ARID1B: variants seen among roughly 807,000 people sequenced by gnomAD.
The protein encoded by ARID1B is AT-rich interactive domain-containing protein 1B.
A neutral mutation model predicts 212.3 loss-of-function variants in ARID1B; 30 were observed. The observed-to-expected ratio is 0.14, with a 90% CI of 0.11 to 0.19. The LOEUF is 0.19. Among genes scored for constraint, ARID1B ranks in the 10% least tolerant of loss-of-function variants. The pLI, the probability that ARID1B is intolerant of heterozygous loss-of-function variation, is 1.00. For missense variants in ARID1B, 2,891 were observed against 3,204.0 expected (o/e 0.90, Z 2.36); for synonymous variants, 1,402 against 1,301.7 (o/e 1.08, Z -1.66).
chr6:156,918,816 G>A (rs1049540807), intron 3 of ARID1B, among the ~76,000 whole-genome samples: 14 of 152,150 alleles, frequency 9.2e-5, no homozygotes, highest in African/African-American at 1.4e-4. Flanking sequence ...GCCTGCCTGC[G>A]CTCGCTCTGG....
At chr6:156,967,791 G>A (rs1438918261) in intron 4 of ARID1B, among the ~76,000 whole-genome samples, 1 of 152,136 alleles carries the variant, frequency 6.6e-6, no homozygotes, top group Non-Finnish European at 1.5e-5. Context: ...TTGAAACATA[G>A]ATGCTGTATG....
intron 15 of ARID1B, chr6:157,195,758 A>C (rs1292582514): frequency 9.8e-6 from 2 of 203,746 alleles, no homozygotes; most frequent in African/African-American, 4.8e-5. Context: ...ATTATGGTCT[A>C]TCATATTAAG....
chr6:157,142,087 A>G (rs1352792955), intron 7 of ARID1B, among the ~76,000 whole-genome samples: 1 of 152,212 alleles, frequency 6.6e-6, no homozygotes, highest in African/African-American at 2.4e-5. Context: ...TGGATGTCAA[A>G]GGCATAATGC....
At chr6:156,901,997 A>G (rs1439954504) in intron 3 of ARID1B, 2 of 163,058 alleles carry the variant, frequency 1.2e-5, no homozygotes, top group African/African-American at 4.8e-5. Flanking sequence ...TTCTATTTAA[A>G]CTAGCTTATA....
intron 1 of ARID1B, chr6:156,779,687 C>G (rs1448340612): frequency 4.5e-6 from 1 of 223,138 alleles, no homozygotes; most frequent in Non-Finnish European, 7.8e-6. Flanking sequence ...TTCGCCGGGC[C>G]GGGCCGGGCC....
intron 2 of ARID1B, among the ~76,000 whole-genome samples, chr6:156,886,498 C>T (rs946942747): frequency 3.3e-5 from 5 of 152,218 alleles, no homozygotes; most frequent in African/African-American, 9.6e-5. Flanking sequence ...CCGTACTGCT[C>T]TCCTGGGACA....
intron 1 of ARID1B, among the ~76,000 whole-genome samples, chr6:156,824,198 T>C (rs1271489315): frequency 2.0e-5 from 3 of 152,226 alleles, no homozygotes; most frequent in Non-Finnish European, 4.4e-5. Flanking sequence ...AAAAATTGCA[T>C]TAAAAGCCAA....
intron 2 of ARID1B, among the ~76,000 whole-genome samples, chr6:156,859,219 T>C (rs138479981): frequency 3.4e-3 from 516 of 152,280 alleles, no homozygotes; most frequent in African/African-American, 0.011. Flanking sequence ...GTTCACGCCA[T>C]TTTCCTGCCT....
rs577592039 is a variant in ARID1B at position 157,144,832 on chromosome 6, T to A, written c.2762-3792T>A. Among the ~76,000 whole-genome samples, 6 of 152,348 alleles carry A rather than the reference T, an allele frequency of 3.9e-5. No individual in the cohort carries two copies. In the East Asian group the frequency reaches 9.6e-4, roughly 24 times the overall value. Reference sequence around the variant, plus strand: ...GGAGATTCAGAAGCAACTTAAGAAATTTTTGTAAAGAACTTTGAAACTGAT... The same window carrying A: ...GGAGATTCAGAAGCAACTTAAGAAAATTTTGTAAAGAACTTTGAAACTGAT... On this transcript the variant is annotated intron_variant, in intron 7 of 19. Transcript: ENST00000636930.
At chr6:157,100,218 G>A (rs1312574081) in intron 5 of ARID1B, among the ~76,000 whole-genome samples, 1 of 152,124 alleles carries the variant, frequency 6.6e-6, no homozygotes, top group African/African-American at 2.4e-5. Flanking sequence ...GAATTGTGTT[G>A]ACAGCCTGTT....
At chr6:156,852,871 T>G (rs1280276624) in intron 2 of ARID1B, among the ~76,000 whole-genome samples, 1 of 152,208 alleles carries the variant, frequency 6.6e-6, no homozygotes, top group East Asian at 1.9e-4. Flanking sequence ...TCTTCCTCCT[T>G]CACTTAATTG....
At chr6:156,936,154 C>G (rs1026849862) in intron 4 of ARID1B, 1 of 152,100 alleles carries the variant, frequency 6.6e-6, no homozygotes, top group Non-Finnish European at 1.5e-5. Context: ...ACCAGCCTGA[C>G]CAACATGGAG....
rs556334402 is a variant in ARID1B, at chr6:157,150,742, C to T, written c.3089+1791C>T. 5.0e-5 allele frequency: 9 copies of T among 180,546 alleles called. No individual in the cohort carries two copies. The South Asian group carries it at 1.6e-3, about 32-fold the overall frequency. 11.2% of individuals were successfully genotyped at this position (180,546 alleles called of 1,614,324 possible). On this transcript the variant is annotated intron_variant, in intron 8 of 19. Coordinates refer to ENST00000636930, the MANE Select transcript of ARID1B (RefSeq NM_001374828.1). The stretch of plus-strand genomic sequence containing the variant: ...CACTTTAGGCCACCATACATTAGGT[C>T]GCCTGCTTATCCCAGCCAGTCTGGG...
At chr6:157,116,005 A>C (rs1332879155) in intron 6 of ARID1B, among the ~76,000 whole-genome samples, 1 of 152,246 alleles carries the variant, frequency 6.6e-6, no homozygotes, top group Non-Finnish European at 1.5e-5. Flanking sequence ...TACTGAAATG[A>C]ATCTTACAAA....
chr6:157,043,757 G>A (rs1314922950), intron 4 of ARID1B, among the ~76,000 whole-genome samples: 2 of 152,112 alleles, frequency 1.3e-5, no homozygotes, highest in Non-Finnish European at 2.9e-5. Flanking sequence ...TCCTATTTAA[G>A]CTCTGTAATG....
Position 157,210,482 on chromosome 6 carries a change from T to C in ARID1B, c.*2591T>C. 1 of 232,332 alleles carries C rather than the reference T, an allele frequency of 4.3e-6. No individual in the cohort carries two copies. The highest frequency in any genetic ancestry group is 5.6e-5 in the Admixed American group (1 of 17,766). 14.4% of individuals were successfully genotyped at this position (232,332 alleles called of 1,614,324 possible). The stretch of plus-strand genomic sequence containing the variant: ...TGGGCAACAAGTTTTTCTATCCTGA[T>C]GCGCAACACAGTCTCTAGAGACTAA... On this transcript the variant is annotated 3_prime_UTR_variant, in exon 20 of 20. Transcript: ENST00000636930.
Position 157,207,829 on chromosome 6 carries a change from G to C in ARID1B, c.7057G>C (p.Val2353Leu), listed in dbSNP as rs1794584372. 1 of 1,525,724 alleles carries C rather than the reference G, an allele frequency of 6.6e-7. No individual in the cohort carries two copies. The highest frequency in any genetic ancestry group is 8.8e-7 in the Non-Finnish European group (1 of 1,134,984). 94.5% of individuals were successfully genotyped at this position (1,525,724 alleles called of 1,614,324 possible). A position where few individuals can be genotyped will look rare whatever the true frequency, so the allele number is the denominator to read the frequency against. Residue 2353 changes from valine (V) to leucine (L), a missense_variant, in exon 20 of 20, where the codon GTC becomes CTC. By Grantham distance (32) the Val-to-Leu change is conservative. Around this residue, in one of 7 missense-constraint regions of ARID1B, gnomAD observed 187 missense variants for 306.5 expected, o/e 0.61. Transcript: ENST00000636930. This position sits in a 1 kb window ranked among gnomAD's most constrained non-coding sequence, Gnocchi z 8.5. ...GTTGCTGGATATCTCGATATCAGCT[G>C]TCCTGAACTCTCTGGTTGCATCTGT... ...GRLLDISISA[V>L]LNSLVASVIC...
In ARID1B at chr6:157,201,117, A is replaced by C. The variant is rs1035386213; in HGVS notation, c.4892A>C (p.His1631Pro). Residue 1631 changes from histidine to proline, a missense_variant, in exon 18 of 20, where the codon CAT (histidine) becomes CCT (proline). Physicochemically the swap from His to Pro is moderately conservative, Grantham distance 77 (BLOSUM62 -2). Transcript: ENST00000636930. This position sits in a 1 kb window ranked among gnomAD's most constrained non-coding sequence, Gnocchi z 5.2. Reference sequence around the variant, plus strand: ...ATGGTACCCGATCAGAGGATAAATCATGAGAGCCAGTGGCCTTCTCACGTC... The same window carrying C: ...ATGGTACCCGATCAGAGGATAAATCCTGAGAGCCAGTGGCCTTCTCACGTC... ...DMMVPDQRIN[H>P]ESQWPSHVSQ... 6.2e-7 allele frequency: 1 copy of C among 1,614,170 alleles called. No individual in the cohort carries two copies.
intron 13 of ARID1B, 47 bp downstream of exon 13, chr6:157,184,482 T>C (rs2128326457): frequency 2.5e-6 from 4 of 1,603,934 alleles, no homozygotes; most frequent in Non-Finnish European, 3.4e-6. Flanking sequence ...CCCAGGCGCC[T>C]GGCCTGGGAG....
Sources: allele counts gnomAD v4.1 joint callset (sites outside exome capture counted in the v4.1 genomes callset), GRCh38; gene constraint gnomAD v4.1.1; regional missense constraint gnomAD v4.1.1; non-coding constraint Gnocchi (gnomAD v3.1); transcripts MANE v1.5; gene names NCBI Gene and HGNC (gene_info 2026-07-23, HGNC 2026-07-21).